Variants in ITFG2 observed in about 807,000 individuals in gnomAD.
ITFG2 encodes KICSTOR complex protein ITFG2.
In ITFG2, 36 loss-of-function variants were observed where a neutral mutation model predicts 54.4. The ratio of observed to expected loss-of-function variants is 0.66; its 90% CI spans 0.51 to 0.87. ITFG2 has a LOEUF of 0.87. Among genes scored for constraint, ITFG2 ranks in the 40% least tolerant of loss-of-function variants. The pLI is 0.00. For missense variants in ITFG2, 524 were observed against 576.7 expected (o/e 0.91, Z 0.94); for synonymous variants, 211 against 225.4 (o/e 0.94, Z 0.57).
chr12:2,858,573 G>T, intron 3 of ITFG2: 3 of 1,395,288 alleles, frequency 2.2e-6, no homozygotes, highest in South Asian at 1.3e-5. Flanking sequence ...AGAGGCTTGG[G>T]GTGCACTGAG....
intron 1 of ITFG2, among the ~76,000 whole-genome samples, chr12:2,814,538 T>C (rs1179506404): frequency 6.6e-6 from 1 of 152,156 alleles, no homozygotes; most frequent in Admixed American, 6.5e-5. Flanking sequence ...CTTAGAACAA[T>C]GTAGGCACTG....
chr12:2,829,797 G>T (rs1377609849), downstream of ITFG2, among the ~76,000 whole-genome samples: 1 of 151,276 alleles, frequency 6.6e-6, no homozygotes, highest in African/African-American at 2.4e-5. Context: ...CGGAAAAGTC[G>T]AGGGGTGCGG....
intron 1 of ITFG2, 76 bp downstream of exon 1, chr12:2,812,932 G>C (rs902856636): frequency 2.3e-6 from 3 of 1,288,578 alleles, no homozygotes; most frequent in Admixed American, 3.5e-5. Flanking sequence ...GAGGCCGCCC[G>C]AGCGTGCCAC....
At chr12:2,838,928 G>GC (rs2098034610) in intron 1 of ITFG2, among the ~76,000 whole-genome samples, 1 of 151,978 alleles carries the variant, frequency 6.6e-6, no homozygotes, top group Non-Finnish European at 1.5e-5. Context: ...TAGGCGAGCG[G>GC]CCCGGCCTTG....
intron 3 of ITFG2, chr12:2,858,605 G>A: frequency 3.1e-6 from 5 of 1,588,434 alleles, no homozygotes; most frequent in Non-Finnish European, 2.6e-6. Context: ...CCGGGATGGT[G>A]GACAGCTTGA....
At chr12:2,828,057 G>A (rs760928397), downstream of ITFG2, 8 of 1,609,142 alleles carry the variant, frequency 5.0e-6, no homozygotes, top group East Asian at 1.8e-4. Context: ...CCTGTGGTTG[G>A]GAAGCAAGGG....
At chr12:2,821,442 A>G (rs968660568) in intron 7 of ITFG2, 83 bp downstream of exon 7, 6 of 1,554,114 alleles carry the variant, frequency 3.9e-6, no homozygotes, top group African/African-American at 1.4e-5. Flanking sequence ...CTTTCCCCTC[A>G]TTTCGAGCCC....
downstream of ITFG2, chr12:2,828,147 C>G (rs1001824460): frequency 2.0e-5 from 25 of 1,267,602 alleles, no homozygotes; most frequent in Non-Finnish European, 2.7e-5. Context: ...CATCTCCAAC[C>G]CCTGACCTCA....
rs1001746196 is a variant in ITFG2 at position 2,812,674 on chromosome 12, G to A, written c.-87G>A. The A allele has an allele frequency of 2.1e-5, 22 of 1,069,446 alleles. No individual in the cohort carries two copies. Among genetic ancestry groups the A allele is most frequent in the Non-Finnish European group, 3.2e-5 (22 of 693,260 alleles). 66.2% of individuals were successfully genotyped at this position (1,069,446 alleles called of 1,614,324 possible). A position where few individuals can be genotyped will look rare whatever the true frequency, so the allele number is the denominator to read the frequency against. ...GGCAGTGACGTAACTTGCTGCCTTA[G>A]GTGGCCTTCCGCTCTGGCGGCTGTC... On this transcript the variant is annotated 5_prime_UTR_variant, in exon 1 of 12. Coordinates refer to ENST00000228799, the MANE Select transcript of ITFG2 (RefSeq NM_018463.4).
chr12:2,823,410 C>T (rs926635402), intron 10 of ITFG2, among the ~76,000 whole-genome samples: 1 of 152,218 alleles, frequency 6.6e-6, no homozygotes, highest in African/African-American at 2.4e-5. Context: ...GGGATTGGCA[C>T]CTAAGAGAAG....
chr12:2,849,755 A>C (rs2098064197), intron 2 of ITFG2, among the ~76,000 whole-genome samples: 1 of 152,214 alleles, frequency 6.6e-6, no homozygotes, highest in Non-Finnish European at 1.5e-5. Flanking sequence ...TCGTGCAGCT[A>C]GTAAGCCTTC....
In ITFG2 at chr12:2,820,223, C is replaced by A; in HGVS notation, c.544C>A (p.Gln182Lys). ...VSLKKWMLEG[Q>K]VDSLSVTLGP... ...CCTCAAGAAATGGATGCTGGAGGGTCAGGTAAGAAGCTGACTCTGGGGAAC... is the reference window on the plus strand; with the variant it reads ...CCTCAAGAAATGGATGCTGGAGGGTAAGGTAAGAAGCTGACTCTGGGGAAC... The change falls in exon 5 of 12, where the codon CAG becomes AAG. Residue 182 changes from glutamine to lysine, a missense_variant and splice_region_variant. Coordinates refer to ENST00000228799, the MANE Select transcript of ITFG2 (RefSeq NM_018463.4). The A allele has an allele frequency of 6.3e-7, 1 of 1,595,510 alleles. No individual in the cohort carries two copies. The highest frequency in any genetic ancestry group is 1.3e-5 in the African/African-American group (1 of 74,448).
downstream of ITFG2, chr12:2,825,867 A>C (rs1212389092): frequency 6.6e-6 from 1 of 151,878 alleles, no homozygotes; most frequent in Non-Finnish European, 1.5e-5. Context: ...GGTTCAAGCA[A>C]CTCCTATGCC....
intron 2 of ITFG2, among the ~76,000 whole-genome samples, chr12:2,846,017 C>T (rs111238259): frequency 3.9e-5 from 6 of 152,216 alleles, no homozygotes; most frequent in African/African-American, 9.6e-5. Context: ...GGGGTTGCCT[C>T]GTTAGGGTCC....
At chr12:2,827,682 A>G, downstream of ITFG2, 1 of 1,614,084 alleles carries the variant, frequency 6.2e-7, no homozygotes, top group Non-Finnish European at 8.5e-7. The surrounding 1 kb of genome is among the most constrained non-coding windows in gnomAD (Gnocchi z 4.0). Context: ...CAGCATCTAT[A>G]GGAACAATTT....
chr12:2,858,943 G>A, intron 3 of ITFG2: 1 of 1,613,684 alleles, frequency 6.2e-7, no homozygotes, highest in South Asian at 1.1e-5. Context: ...CTTTGCAAGG[G>A]AGTGGTGCTG....
downstream of ITFG2, among the ~76,000 whole-genome samples, chr12:2,829,872 G>A (rs56047510): frequency 0.034 from 4,245 of 124,218 alleles, no homozygotes; most frequent in South Asian, 0.091. Flanking sequence ...GAGGTCAGGA[G>A]TTTGAGACCA....
chr12:2,830,670 G>T, intron 2 of ITFG2: 1 of 1,582,666 alleles, frequency 6.3e-7, no homozygotes, highest in Non-Finnish European at 8.6e-7. Flanking sequence ...GTGCAGGCAG[G>T]GTTGTTAATG....
At chr12:2,842,655 G>A (rs549331320) in intron 2 of ITFG2, among the ~76,000 whole-genome samples, 3 of 152,170 alleles carry the variant, frequency 2.0e-5, no homozygotes, top group South Asian at 2.1e-4. Context: ...TTGCTTGAGC[G>A]CAGGAGGTAG....
Sources: gnomAD v4.1 joint callset for allele counts (sites outside exome capture counted in the v4.1 genomes callset) on GRCh38, gnomAD v4.1.1 for gene constraint, Gnocchi (gnomAD v3.1) non-coding constraint, MANE v1.5 for transcripts, NCBI Gene and HGNC (gene_info 2026-07-23, HGNC 2026-07-21) for gene names.